Variants in OSBPL5 observed in about 807,000 individuals in gnomAD.
OSBPL5 encodes the protein oxysterol binding protein like 5.
OSBPL5 carries 71 observed loss-of-function variants against 111.2 expected under a neutral mutation model. That is an observed-to-expected ratio of 0.64 (90% CI 0.53 to 0.78). The LOEUF is 0.78. Ranked by LOEUF, OSBPL5 falls within the 30% of genes least tolerant of loss-of-function variation. The pLI is 0.00. For synonymous variants in OSBPL5, 549 were observed against 513.9 expected, an observed-to-expected ratio of 1.07 and a Z score of -0.93; for missense variants, 1,210 against 1,189.3, an observed-to-expected ratio of 1.02 and a Z score of -0.26.
intron 20 of OSBPL5, 130 bp from the exon 21 acceptor site, chr11:3,090,078 C>G: frequency 1.6e-6 from 1 of 643,494 alleles, no homozygotes; most frequent in Admixed American, 3.0e-5. Flanking sequence ...CATGGGAAAC[C>G]TGCAGGGCCA....
At chr11:3,158,766 A>G (rs765744590) in intron 1 of OSBPL5, among the ~76,000 whole-genome samples, 51 of 152,252 alleles carry the variant, frequency 3.3e-4, no homozygotes, top group Admixed American at 1.5e-3. Context: ...TTCTTTCTGC[A>G]TAAAACCTGG....
Position 3,130,168 on chromosome 11 carries a change from G to A in OSBPL5, c.-21-999C>T, listed in dbSNP as rs10833314. Among the ~76,000 whole-genome samples the A allele has an allele frequency of 0.057, 8,740 of 152,224 alleles. 279 individuals carry two copies. The highest frequency in any genetic ancestry group is 0.086 in the Admixed American group (1,309 of 15,308). ...CCATTTTACAGATGAGAAAATCATG[G>A]CTCAGGGAGTGGAAGGCCTCGACCT... On this transcript the variant is annotated intron_variant, in intron 1 of 21. Coordinates refer to ENST00000263650, the MANE Select transcript of OSBPL5 (RefSeq NM_020896.4). The surrounding 1 kb of genome is among the most constrained non-coding windows in gnomAD (Gnocchi z 4.5).
chr11:3,144,936 A>C (rs1846289384), intron 1 of OSBPL5, among the ~76,000 whole-genome samples: 1 of 152,238 alleles, frequency 6.6e-6, no homozygotes, highest in Non-Finnish European at 1.5e-5. Flanking sequence ...GGCCACATCC[A>C]CAAGTACCTG....
At chr11:3,128,856 A>G (rs4758533) in intron 2 of OSBPL5, among the ~76,000 whole-genome samples, 157 bp downstream of exon 2, 121,417 of 152,140 alleles carry the variant, frequency 0.8, 49,075 homozygotes, top group African/African-American at 0.89. Flanking sequence ...ATTACCTGGC[A>G]CTCTACCAAG....
Position 3,126,599 on chromosome 11 carries a change from G to A in OSBPL5, c.137-44C>T. On this transcript the variant is annotated intron_variant, in intron 2 of 21. Coordinates refer to ENST00000263650, the MANE Select transcript of OSBPL5 (RefSeq NM_020896.4). This position sits in a 1 kb window ranked among gnomAD's most constrained non-coding sequence, Gnocchi z 6.5. ...AGTGAGGACCCAGGCATGGTGGCGTGGCCAGGCTTCTCAGGCCGCTGCCTG... is the reference window on the plus strand; with the variant it reads ...AGTGAGGACCCAGGCATGGTGGCGTAGCCAGGCTTCTCAGGCCGCTGCCTG... 1 of 1,545,740 alleles carries A rather than the reference G, an allele frequency of 6.5e-7. No individual in the cohort carries two copies.
chr11:3,126,578 A>G lies in OSBPL5; in HGVS notation c.137-23T>C. The G allele has an allele frequency of 6.3e-7, 1 of 1,596,398 alleles. No homozygotes were observed. The highest frequency in any genetic ancestry group is 8.5e-7 in the Non-Finnish European group (1 of 1,172,838). On this transcript the variant is annotated intron_variant, in intron 2 of 21. Transcript: ENST00000263650. This position sits in a 1 kb window ranked among gnomAD's most constrained non-coding sequence, Gnocchi z 6.5. Reference sequence around the variant, plus strand: ...TCCCTGCAAGAGAGCAGTGGGAGTGAGGACCCAGGCATGGTGGCGTGGCCA... The same window carrying G: ...TCCCTGCAAGAGAGCAGTGGGAGTGGGGACCCAGGCATGGTGGCGTGGCCA...
intron 1 of OSBPL5, among the ~76,000 whole-genome samples, chr11:3,150,504 C>T (rs543951089): frequency 5.9e-5 from 9 of 152,220 alleles, no homozygotes; most frequent in South Asian, 2.1e-4. Flanking sequence ...ATGTCAGCAG[C>T]GTGCAGACAC....
chr11:3,160,672 T>TCCCCCCCCCCCCCCCCCCCCC (rs71035491), intron 1 of OSBPL5, among the ~76,000 whole-genome samples: 5 of 122,538 alleles, frequency 4.1e-5, no homozygotes, highest in South Asian at 3.2e-4. Flanking sequence ...ATGACAACCC[T>TCCCCCCCCCCCCCCCCCCCCC]CCCCCCCCCC....
chr11:3,120,509 C>T lies in OSBPL5; in HGVS notation c.518G>A (p.Cys173Tyr). 6.2e-7 allele frequency: 1 copy of T among 1,613,350 alleles called. No individual in the cohort carries two copies. The highest frequency in any genetic ancestry group is 1.1e-5 in the South Asian group (1 of 91,092). ...GGAGGGCCGCTCGATGAGCTCGCAG[C>T]AGTGCAGCAGCACCGTGCCCACCCA... ...GQWVGTVLLH[C>Y]CELIERPSKK... The change falls in exon 6 of 22, where the codon TGC (cysteine) becomes TAC (tyrosine). Residue 173 changes from cysteine to tyrosine, a missense_variant. Coordinates refer to ENST00000263650, the MANE Select transcript of OSBPL5 (RefSeq NM_020896.4).
chr11:3,122,903 G>A (rs1049391147), intron 3 of OSBPL5, among the ~76,000 whole-genome samples: 2 of 152,204 alleles, frequency 1.3e-5, no homozygotes, highest in Non-Finnish European at 2.9e-5. Context: ...AAGCACTCAC[G>A]CTGGGTCTCT....
At position 3,107,620 on chromosome 11, in the gene OSBPL5, C is replaced by T. The variant is rs145307029; in HGVS notation, c.866+151G>A. On this transcript the variant is annotated intron_variant, in intron 8 of 21. Coordinates refer to ENST00000263650, the MANE Select transcript of OSBPL5 (RefSeq NM_020896.4). The surrounding 1 kb of genome is among the most constrained non-coding windows in gnomAD (Gnocchi z 6.1). ...TCAGCCCCGTTTTAGAGGAAGGAACCGAGGCTCCCAGGGCACACTGCAGCG... is the reference window on the plus strand; with the variant it reads ...TCAGCCCCGTTTTAGAGGAAGGAACTGAGGCTCCCAGGGCACACTGCAGCG... The T allele has an allele frequency of 1.2e-5, 16 of 1,353,472 alleles. No homozygotes were observed. The highest frequency in any genetic ancestry group is 1.9e-4 in the Middle Eastern group (1 of 5,136). The allele number at this position is 1,353,472 out of a possible 1,614,324, so 83.8% of individuals were successfully genotyped here.
At chr11:3,120,065 G>A in intron 6 of OSBPL5, 1 of 444,948 alleles carries the variant, frequency 2.2e-6, no homozygotes, top group Non-Finnish European at 4.1e-6. Flanking sequence ...GGTTTCTCTG[G>A]TTTCCCACCC....
rs1421750657 is a variant in OSBPL5 at position 3,110,162 on chromosome 11, G to T, written c.692-2217C>A. Among the ~76,000 whole-genome samples, 2 of 152,196 alleles carry T rather than the reference G, an allele frequency of 1.3e-5. No individual in the cohort carries two copies. Among genetic ancestry groups the T allele is most frequent in the African/African-American group, 4.8e-5 (2 of 41,438 alleles). ...TGGCACCGAGACTCCAACCTGAGAG[G>T]CACCGGAGCCCCGTGGTCAAGGCCA... On this transcript the variant is annotated intron_variant, in intron 7 of 21. Transcript: ENST00000263650. This position sits in a 1 kb window ranked among gnomAD's most constrained non-coding sequence, Gnocchi z 5.3.
intron 7 of OSBPL5, 134 bp from the exon 8 acceptor site, chr11:3,108,079 G>T: frequency 8.4e-7 from 1 of 1,192,098 alleles, no homozygotes; most frequent in Non-Finnish European, 1.2e-6. Context: ...CCCACCCCTG[G>T]CCCTGCCCCA....
chr11:3,139,539 G>A (rs1370613350), intron 1 of OSBPL5, among the ~76,000 whole-genome samples: 1 of 152,218 alleles, frequency 6.6e-6, no homozygotes, highest in Admixed American at 6.5e-5. Flanking sequence ...TGAGCAGGGG[G>A]CTTTAATCAC....
intron 1 of OSBPL5, among the ~76,000 whole-genome samples, chr11:3,143,732 G>C (rs989621776): frequency 1.3e-5 from 2 of 152,210 alleles, no homozygotes; most frequent in Non-Finnish European, 2.9e-5. Flanking sequence ...GCTCTTTGGG[G>C]AAAGAGCATG....
At chr11:3,118,112 G>A (rs1858273013) in intron 7 of OSBPL5, among the ~76,000 whole-genome samples, 2 of 152,188 alleles carry the variant, frequency 1.3e-5, no homozygotes, top group South Asian at 4.1e-4. Flanking sequence ...TGAGACCAGA[G>A]ACTCGTTTTC....
Position 3,119,605 on chromosome 11 carries a change from G to A in OSBPL5, c.633C>T (p.Ser211=), listed in dbSNP as rs1033463283. Residue 211 remains serine, a synonymous_variant, in exon 7 of 22, where the codon TCC becomes TCT. Transcript: ENST00000263650. ...VKGPKGESVG[S]ITQPLPSSYL... ...AGCTGCTGGGCAGGGGCTGTGTGAT[G>A]GAGCCCACGCTCTCACCTTTGGGGC... 3 of 1,575,084 alleles carry A rather than the reference G, an allele frequency of 1.9e-6. No homozygotes were observed. The highest frequency in any genetic ancestry group is 2.8e-5 in the African/African-American group (2 of 71,562).
Position 3,101,793 on chromosome 11 carries a change from C to T in OSBPL5, c.1426-94G>A, listed in dbSNP as rs572203429. On this transcript the variant is annotated intron_variant, in intron 12 of 21. Coordinates refer to ENST00000263650, the MANE Select transcript of OSBPL5 (RefSeq NM_020896.4). Reference sequence around the variant, plus strand: ...TTCCCCCAAAAAACCTGTCCCTGTCCCTGACGCCACATCTTCTCCCCCGAT... The same window carrying T: ...TTCCCCCAAAAAACCTGTCCCTGTCTCTGACGCCACATCTTCTCCCCCGAT... 5.1e-6 allele frequency: 5 copies of T among 988,514 alleles called. No individual in the cohort carries two copies. In the South Asian group the frequency reaches 7.1e-5, roughly 14 times the overall value. The allele number at this position is 988,514 out of a possible 1,614,324, so 61.2% of individuals were successfully genotyped here. A position where few individuals can be genotyped will look rare whatever the true frequency, so the allele number is the denominator to read the frequency against.
Sources: gnomAD v4.1 joint callset for allele counts (sites outside exome capture counted in the v4.1 genomes callset) on GRCh38, gnomAD v4.1.1 for gene constraint, Gnocchi (gnomAD v3.1) non-coding constraint, MANE v1.5 for transcripts, NCBI Gene and HGNC (gene_info 2026-07-23, HGNC 2026-07-21) for gene names.